Variants in LAPTM4B observed in about 807,000 individuals in gnomAD.
LAPTM4B encodes the protein lysosomal-associated transmembrane protein 4B.
A neutral mutation model predicts 28.5 loss-of-function variants in LAPTM4B; 26 were observed. That is an observed-to-expected ratio of 0.91 (90% confidence interval 0.67 to 1.27). The LOEUF (loss-of-function observed/expected upper bound fraction) is 1.27, where lower values mean the gene tolerates loss of function less well. Ranked by LOEUF, LAPTM4B falls within the 50% of genes most tolerant of loss-of-function variation. The pLI, the probability that LAPTM4B is intolerant of heterozygous loss-of-function variation, is 0.00. For synonymous variants in LAPTM4B, 109 were observed against 106.4 expected (o/e 1.02, Z -0.15); for missense variants, 288 against 285.8 (o/e 1.01, Z -0.06).
At chr8:97,783,353 C>T (rs1406894111) in intron 1 of LAPTM4B, among the ~76,000 whole-genome samples, 1 of 151,948 alleles carries the variant, frequency 6.6e-6, no homozygotes, top group African/African-American at 2.4e-5. Context: ...TCCACTTGTT[C>T]ACATAGAAAC....
At chr8:97,779,402 T>A (rs145013190) in intron 1 of LAPTM4B, among the ~76,000 whole-genome samples, 3,002 of 152,156 alleles carry the variant, frequency 0.02, 61 homozygotes, top group Middle Eastern at 0.034. Context: ...GGAGAATTGC[T>A]TGAACCTGGG....
chr8:97,828,932 G>A (rs925276117), intron 6 of LAPTM4B, among the ~76,000 whole-genome samples: 11 of 152,168 alleles, frequency 7.2e-5, no homozygotes, highest in Admixed American at 6.5e-5. Context: ...GCTCGCTTCC[G>A]TTTGCAAACT....
At chr8:97,800,601 A>T (rs1816659615) in intron 1 of LAPTM4B, among the ~76,000 whole-genome samples, 1 of 147,958 alleles carries the variant, frequency 6.8e-6, no homozygotes, top group Non-Finnish European at 1.5e-5. Flanking sequence ...GGTTCAAGCA[A>T]TTCTCCTGCC....
intron 1 of LAPTM4B, among the ~76,000 whole-genome samples, chr8:97,795,154 T>TGGTA (rs1816562640): frequency 6.6e-6 from 1 of 152,190 alleles, no homozygotes; most frequent in Non-Finnish European, 1.5e-5. Context: ...GAGTGCAGTG[T>TGGTA]GGTAGCATGA....
chr8:97,833,402 T>C (rs1216107574), intron 6 of LAPTM4B, among the ~76,000 whole-genome samples: 1 of 151,872 alleles, frequency 6.6e-6, no homozygotes, highest in Admixed American at 6.5e-5. Flanking sequence ...TTTTTAATTG[T>C]TATTTTTTAA....
intron 1 of LAPTM4B, among the ~76,000 whole-genome samples, chr8:97,792,206 C>T (rs1248709393): frequency 6.6e-6 from 1 of 152,096 alleles, no homozygotes; most frequent in Non-Finnish European, 1.5e-5. Context: ...CCAAGAGTGG[C>T]TCATTTTCCT....
intron 6 of LAPTM4B, among the ~76,000 whole-genome samples, chr8:97,837,546 G>GTT (rs879904623): frequency 3.6e-4 from 54 of 148,452 alleles, no homozygotes; most frequent in East Asian, 3.9e-4. Context: ...AATGAGTTCT[G>GTT]TTTTTTTTTT....
chr8:97,776,267 G>A (rs1457240704), intron 1 of LAPTM4B, among the ~76,000 whole-genome samples, 159 bp downstream of exon 1: 4 of 152,302 alleles, frequency 2.6e-5, no homozygotes, highest in Admixed American at 6.5e-5. Context: ...ACTTCCCCCG[G>A]CTGGGCCAGC....
intron 6 of LAPTM4B, among the ~76,000 whole-genome samples, chr8:97,826,062 G>A (rs570207637): frequency 5.5e-4 from 83 of 152,112 alleles, no homozygotes; most frequent in African/African-American, 1.9e-3. Context: ...TGACCTTACC[G>A]AAATAATCCA....
At chr8:97,844,853 CATG>C (rs1336600614) in intron 6 of LAPTM4B, among the ~76,000 whole-genome samples, 1 of 152,164 alleles carries the variant, frequency 6.6e-6, no homozygotes, top group Non-Finnish European at 1.5e-5. Context: ...AAAGCTTCCC[CATG>C]ATGACTGACT....
intron 6 of LAPTM4B, among the ~76,000 whole-genome samples, chr8:97,850,202 T>C (rs1457218107): frequency 6.6e-6 from 1 of 151,966 alleles, no homozygotes; most frequent in Non-Finnish European, 1.5e-5. Context: ...TTCATGAAAC[T>C]ATATTCACAT....
At chr8:97,851,305 G>GT in intron 6 of LAPTM4B, 92 bp from the exon 7 acceptor site, 1 of 975,878 alleles carries the variant, frequency 1.0e-6, no homozygotes, top group Non-Finnish European at 1.7e-6. Context: ...TGTGGAACAT[G>GT]TTTAGTTGCA....
At chr8:97,815,260 C>A in intron 2 of LAPTM4B, 68 bp from the exon 3 acceptor site, 2 of 1,154,550 alleles carry the variant, frequency 1.7e-6, no homozygotes, top group Non-Finnish European at 1.3e-6. Flanking sequence ...TGAGAAGAGA[C>A]TGAAAGTATT....
intron 1 of LAPTM4B, among the ~76,000 whole-genome samples, chr8:97,791,500 C>G (rs1422931569): frequency 6.6e-6 from 1 of 152,150 alleles, no homozygotes; most frequent in African/African-American, 2.4e-5. Flanking sequence ...AACACCAGAA[C>G]CGACTGAAGT....
Position 97,830,714 on chromosome 8 carries a change from G to A in LAPTM4B, c.603+5561G>A, listed in dbSNP as rs184410207. 2.2e-3 allele frequency among the ~76,000 whole-genome samples: 335 copies of A among 152,234 alleles called. 1 individual carries two copies. The highest frequency in any genetic ancestry group is 7.4e-3 in the African/African-American group (307 of 41,550). On this transcript the variant is annotated intron_variant, in intron 6 of 6. Coordinates refer to ENST00000521545, the MANE Select transcript of LAPTM4B (RefSeq NM_018407.6). ...GGGGAAGGTTCTGTAGACGGACCGT[G>A]GTTGGAGTGCTGTAAACAACCTGGT...
rs919206518 is a variant in LAPTM4B, at chr8:97,814,326, A to G, written c.212-1002A>G. On this transcript the variant is annotated intron_variant, in intron 2 of 6. Coordinates refer to ENST00000521545, the MANE Select transcript of LAPTM4B (RefSeq NM_018407.6). The stretch of plus-strand genomic sequence containing the variant: ...GGAGTTCGAGACCAGCCTGGCCAAC[A>G]TGGTGAAACCCCCGTCTCTACTAAA... Among the ~76,000 whole-genome samples the G allele has an allele frequency of 3.3e-5, 5 of 152,306 alleles. No individual in the cohort carries two copies. The East Asian group carries it at 5.8e-4, about 18-fold the overall frequency.
chr8:97,840,890 C>T (rs112186509), intron 6 of LAPTM4B, among the ~76,000 whole-genome samples: 6,406 of 148,100 alleles, frequency 0.043, 366 homozygotes, highest in African/African-American at 0.14. Context: ...TGGGCAGAGG[C>T]GCTTCTCACA....
chr8:97,822,795 G>A (rs1007697137), intron 5 of LAPTM4B, among the ~76,000 whole-genome samples: 8 of 151,822 alleles, frequency 5.3e-5, no homozygotes, highest in African/African-American at 1.7e-4. Flanking sequence ...ATGGAAAATC[G>A]GGTGTCCATC....
intron 1 of LAPTM4B, among the ~76,000 whole-genome samples, chr8:97,787,311 A>C (rs1816419199): frequency 1.5e-5 from 2 of 130,250 alleles, no homozygotes; most frequent in South Asian, 5.0e-4. Flanking sequence ...TTTGAGACTG[A>C]GTCTGGCTCT....
Sources: gnomAD v4.1 joint callset for allele counts (sites outside exome capture counted in the v4.1 genomes callset) on GRCh38, gnomAD v4.1.1 for gene constraint, MANE v1.5 for transcripts, NCBI Gene and HGNC (gene_info 2026-07-23, HGNC 2026-07-21) for gene names.